Variants in GRID2 observed in about 807,000 individuals in gnomAD.
GRID2 encodes glutamate receptor ionotropic, delta-2.
Under a neutral mutation model 114.8 loss-of-function variants are expected in GRID2, and 33 were observed. The ratio of observed to expected loss-of-function variants is 0.29; its 90% confidence interval spans 0.22 to 0.38. The LOEUF is 0.38. Among genes scored for constraint, GRID2 ranks in the 10% least tolerant of loss-of-function variants. The probability of loss-of-function intolerance (pLI) is 1.00; values close to 1 mark genes in which losing one functional copy is unlikely to be tolerated. For missense variants in GRID2, 1,184 were observed against 1,257.7 expected, an observed-to-expected ratio of 0.94 and a Z score of 0.89; for synonymous variants, 505 against 449.9, an observed-to-expected ratio of 1.12 and a Z score of -1.55.
At chr4:93,039,019 A>G (rs1725224549) in intron 2 of GRID2, among the ~76,000 whole-genome samples, 1 of 152,154 alleles carries the variant, frequency 6.6e-6, no homozygotes, top group Non-Finnish European at 1.5e-5. Context: ...ACATGCACAC[A>G]TATGTTTATT....
chr4:93,796,841 C>T (rs942984069), intron 1 of GRID2, among the ~76,000 whole-genome samples: 8 of 152,162 alleles, frequency 5.3e-5, no homozygotes, highest in African/African-American at 1.7e-4. Context: ...CCACTGCACC[C>T]AGCCAGTCAT....
intron 2 of GRID2, among the ~76,000 whole-genome samples, chr4:92,854,067 G>A (rs1292015965): frequency 4.0e-5 from 6 of 151,246 alleles, no homozygotes; most frequent in African/African-American, 4.9e-5. Flanking sequence ...AGTGCCAGAG[G>A]ACCAAAATTC....
At chr4:93,206,766 A>G (rs1355557644) in intron 4 of GRID2, among the ~76,000 whole-genome samples, 3 of 151,992 alleles carry the variant, frequency 2.0e-5, no homozygotes, top group Non-Finnish European at 4.4e-5. Context: ...ATTTCTTTTC[A>G]TCTTATTAGC....
At chr4:92,777,965 C>G (rs1008727533) in intron 2 of GRID2, among the ~76,000 whole-genome samples, 2 of 152,046 alleles carry the variant, frequency 1.3e-5, no homozygotes, top group African/African-American at 4.8e-5. Flanking sequence ...ACGTTTAACC[C>G]CCATGCAAAT....
intron 8 of GRID2, among the ~76,000 whole-genome samples, chr4:93,322,038 CT>C (rs1292434685): frequency 2.0e-5 from 3 of 149,684 alleles, no homozygotes; most frequent in Non-Finnish European, 3.0e-5. Flanking sequence ...TTTCTTATTT[CT>C]TTTTTTTTCT....
intron 2 of GRID2, among the ~76,000 whole-genome samples, chr4:93,006,348 A>T (rs181271494): frequency 1.3e-5 from 2 of 152,064 alleles, no homozygotes. Context: ...CTGAGAGTGG[A>T]TAAAATCAGA....
intron 2 of GRID2, among the ~76,000 whole-genome samples, chr4:92,689,178 AT>A (rs1247728861): frequency 2.0e-5 from 3 of 152,184 alleles, no homozygotes; most frequent in Non-Finnish European, 4.4e-5. Flanking sequence ...GGCAAAATAG[AT>A]TTAGCATAAT....
intron 13 of GRID2, among the ~76,000 whole-genome samples, chr4:93,577,377 C>A (rs1024720637): frequency 2.0e-5 from 3 of 151,882 alleles, no homozygotes; most frequent in Admixed American, 2.0e-4. Context: ...ATTGAAGGAC[C>A]CTTCTAATTC....
intron 1 of GRID2, among the ~76,000 whole-genome samples, chr4:92,437,884 A>G (rs1297977093): frequency 1.3e-5 from 2 of 152,214 alleles, no homozygotes; most frequent in East Asian, 1.9e-4. Flanking sequence ...GCTTATTAAA[A>G]TGATTTATAT....
chr4:93,717,547 A>C (rs192678454), intron 14 of GRID2, among the ~76,000 whole-genome samples: 1 of 152,338 alleles, frequency 6.6e-6, no homozygotes, highest in East Asian at 1.9e-4. Flanking sequence ...TGTAGTGTTC[A>C]AAGAAACTTG....
intron 8 of GRID2, among the ~76,000 whole-genome samples, chr4:93,279,554 G>A (rs1752432495): frequency 6.6e-6 from 1 of 151,686 alleles, no homozygotes; most frequent in South Asian, 2.1e-4. Flanking sequence ...TAAATTGGAA[G>A]AACTCAGGTA....
intron 2 of GRID2, among the ~76,000 whole-genome samples, chr4:92,631,801 T>C (rs1730820571): frequency 6.6e-6 from 1 of 152,304 alleles, no homozygotes; most frequent in Middle Eastern, 3.4e-3. Flanking sequence ...AACTCTGATA[T>C]CTACATTGAT....
chr4:93,514,680 A>G (rs1729532069), intron 12 of GRID2, among the ~76,000 whole-genome samples: 1 of 152,174 alleles, frequency 6.6e-6, no homozygotes, highest in African/African-American at 2.4e-5. Flanking sequence ...TTCTGTGAGG[A>G]TAATGTATAT....
At chr4:92,553,261 T>A (rs1289784837) in intron 1 of GRID2, among the ~76,000 whole-genome samples, 1 of 152,134 alleles carries the variant, frequency 6.6e-6, no homozygotes, top group Non-Finnish European at 1.5e-5. Context: ...ATCATATAAT[T>A]CTTTATATGA....
chr4:93,459,861 A>T (rs1346007335), intron 11 of GRID2, among the ~76,000 whole-genome samples: 1 of 152,096 alleles, frequency 6.6e-6, no homozygotes, highest in East Asian at 1.9e-4. Flanking sequence ...AACCATTCAG[A>T]CTCATGTTAG....
chr4:93,410,664 A>G (rs1019015764), intron 9 of GRID2, among the ~76,000 whole-genome samples: 1 of 152,138 alleles, frequency 6.6e-6, no homozygotes, highest in Non-Finnish European at 1.5e-5. Flanking sequence ...GCTCACTGCA[A>G]CCTCCATCTC....
At chr4:92,544,541 AT>A (rs1726142925) in intron 1 of GRID2, among the ~76,000 whole-genome samples, 1 of 152,084 alleles carries the variant, frequency 6.6e-6, no homozygotes, top group Non-Finnish European at 1.5e-5. Context: ...AATGCTTTTA[AT>A]TGATTTTTTG....
intron 14 of GRID2, among the ~76,000 whole-genome samples, chr4:93,662,375 A>C (rs1323667778): frequency 2.0e-5 from 3 of 152,178 alleles, no homozygotes; most frequent in Non-Finnish European, 1.5e-5. Flanking sequence ...CAGAAATATT[A>C]TGCAAATATT....
At chr4:93,534,704 A>G (rs1731850037) in intron 13 of GRID2, among the ~76,000 whole-genome samples, 1 of 152,268 alleles carries the variant, frequency 6.6e-6, no homozygotes, top group East Asian at 1.9e-4. Flanking sequence ...TTCTACAGTA[A>G]GAAATTATTT....
Sources: allele counts gnomAD v4.1 joint callset (sites outside exome capture counted in the v4.1 genomes callset), GRCh38; gene constraint gnomAD v4.1.1; transcripts MANE v1.5; gene names NCBI Gene and HGNC (gene_info 2026-07-23, HGNC 2026-07-21).